The following EXOC6B variants were observed in gnomAD, a reference collection of about 807,000 sequenced individuals.
EXOC6B encodes the protein exocyst complex component 6B.
EXOC6B carries 54 observed loss-of-function variants against 113.5 expected under a neutral mutation model. That is an observed-to-expected ratio of 0.48 (90% CI 0.38 to 0.60). The LOEUF (loss-of-function observed/expected upper bound fraction) is 0.60, where lower values mean the gene tolerates loss of function less well. Ranked by LOEUF, EXOC6B falls within the 20% of genes least tolerant of loss-of-function variation. EXOC6B has a pLI of 0.00. For synonymous variants in EXOC6B, 357 were observed against 339.0 expected (o/e 1.05, Z -0.58); for missense variants, 797 against 977.5 (o/e 0.82, Z 2.46).
chr2:72,573,414 T>C (rs756747070), intron 7 of EXOC6B, among the ~76,000 whole-genome samples: 5 of 152,206 alleles, frequency 3.3e-5, no homozygotes, highest in Non-Finnish European at 7.3e-5. Context: ...TGTGATGGAA[T>C]CTAATATCTG....
chr2:72,342,547 G>C (rs1689093132), intron 19 of EXOC6B, among the ~76,000 whole-genome samples: 1 of 152,082 alleles, frequency 6.6e-6, no homozygotes, highest in Non-Finnish European at 1.5e-5. Flanking sequence ...ATGAACGTTG[G>C]TGAGGGTGTG....
chr2:72,580,522 A>AT, intron 6 of EXOC6B, among the ~76,000 whole-genome samples: 1 of 152,148 alleles, frequency 6.6e-6, no homozygotes, highest in South Asian at 2.1e-4. Flanking sequence ...ATGACATCTA[A>AT]TATCACTGTA....
rs183888887 is a variant in EXOC6B at position 72,361,333 on chromosome 2, A to G, written c.2122+18396T>C. ...AGTTACTTTCACAGTTTGCTGATGT[A>G]AAGGTCCCTTTGCATAATATAAACT... On this transcript the variant is annotated intron_variant, in intron 19 of 21. Coordinates refer to ENST00000272427, the MANE Select transcript of EXOC6B (RefSeq NM_015189.3). Among the ~76,000 whole-genome samples the G allele has an allele frequency of 1.9e-3, 284 of 152,272 alleles. 7 individuals carry two copies. The highest frequency in any genetic ancestry group is 6.4e-3 in the East Asian group (33 of 5,178).
At chr2:72,401,533 ATATATATATATGTG>A (rs1693201499) in intron 18 of EXOC6B, among the ~76,000 whole-genome samples, 8 of 32,766 alleles carry the variant, frequency 2.4e-4, no homozygotes, top group African/African-American at 2.3e-3. Flanking sequence ...ACATATATAT[ATATATATATATGTG>A]TATATATATA....
rs981572010 is a variant in EXOC6B, at chr2:72,247,176, T to A, written c.2197-62989A>T. Among the ~76,000 whole-genome samples, 3 of 152,242 alleles carry A rather than the reference T, an allele frequency of 2.0e-5. No individual in the cohort carries two copies. In the South Asian group the frequency reaches 6.2e-4, roughly 32 times the overall value. ...AAATAATCTTTCTGATAAATGTTTT[T>A]AATTTATTTAGTGAACAGAGATGCT... On this transcript the variant is annotated intron_variant, in intron 20 of 21. Transcript: ENST00000272427.
intron 20 of EXOC6B, among the ~76,000 whole-genome samples, chr2:72,215,830 G>T (rs1470378594): frequency 6.6e-6 from 1 of 152,020 alleles, no homozygotes; most frequent in East Asian, 1.9e-4. Context: ...ATGTATAGTA[G>T]TCACTGCAGG....
chr2:72,710,050 T>C (rs1328595975), intron 6 of EXOC6B, among the ~76,000 whole-genome samples: 3 of 152,110 alleles, frequency 2.0e-5, no homozygotes, highest in African/African-American at 7.2e-5. Flanking sequence ...GAACAATTGG[T>C]ACCACCACCG....
At chr2:72,567,837 G>A (rs1704277431) in intron 7 of EXOC6B, among the ~76,000 whole-genome samples, 1 of 151,916 alleles carries the variant, frequency 6.6e-6, no homozygotes, top group Non-Finnish European at 1.5e-5. Context: ...AAAAATAAGG[G>A]GAGAAAAGGA....
At chr2:72,388,667 T>C (rs552432612) in intron 18 of EXOC6B, among the ~76,000 whole-genome samples, 6 of 152,318 alleles carry the variant, frequency 3.9e-5, no homozygotes, top group Non-Finnish European at 5.9e-5. Flanking sequence ...AATTAGCAGC[T>C]GCAATTATGA....
intron 6 of EXOC6B, among the ~76,000 whole-genome samples, chr2:72,575,961 AG>A (rs1704825721): frequency 6.6e-6 from 1 of 152,126 alleles, no homozygotes; most frequent in Non-Finnish European, 1.5e-5. Context: ...TATCATCATA[AG>A]GCTTTTCAAA....
At chr2:72,293,710 G>A (rs1038162365) in intron 20 of EXOC6B, among the ~76,000 whole-genome samples, 2 of 152,140 alleles carry the variant, frequency 1.3e-5, no homozygotes, top group Admixed American at 1.3e-4. Flanking sequence ...CTTGTAATAA[G>A]TAATACAGTC....
chr2:72,375,165 A>G (rs1691282615), intron 19 of EXOC6B, among the ~76,000 whole-genome samples: 1 of 152,154 alleles, frequency 6.6e-6, no homozygotes, highest in South Asian at 2.1e-4. Flanking sequence ...GAGCTTCAAA[A>G]TGCATTAACC....
chr2:72,631,718 T>C (rs1672482990), intron 6 of EXOC6B, among the ~76,000 whole-genome samples: 1 of 151,866 alleles, frequency 6.6e-6, no homozygotes, highest in Non-Finnish European at 1.5e-5. Flanking sequence ...TTGTCCAGGC[T>C]TTCTCGAACT....
chr2:72,515,308 A>G (rs541708976), intron 8 of EXOC6B, 182 bp from the exon 9 acceptor site: 2 of 861,310 alleles, frequency 2.3e-6, no homozygotes, highest in African/African-American at 3.4e-5. Flanking sequence ...ATTGAACCTT[A>G]GTTACAAACC....
At chr2:72,696,821 A>C (rs1407461040) in intron 6 of EXOC6B, among the ~76,000 whole-genome samples, 1 of 152,170 alleles carries the variant, frequency 6.6e-6, no homozygotes, top group East Asian at 1.9e-4. Context: ...TATCATAAAA[A>C]AATGATAAGT....
intron 20 of EXOC6B, among the ~76,000 whole-genome samples, chr2:72,189,258 C>T (rs41406): frequency 0.47 from 71,465 of 151,926 alleles, 21,776 homozygotes; most frequent in African/African-American, 0.87. Context: ...GATATTGATA[C>T]TTTTGAAGAA....
At chr2:72,640,240 C>A (rs932999806) in intron 6 of EXOC6B, among the ~76,000 whole-genome samples, 1 of 151,978 alleles carries the variant, frequency 6.6e-6, no homozygotes, top group Non-Finnish European at 1.5e-5. Flanking sequence ...TTATTAATAT[C>A]AAAATGAACT....
chr2:72,571,538 TA>T (rs1704511609), intron 7 of EXOC6B, among the ~76,000 whole-genome samples: 2 of 152,240 alleles, frequency 1.3e-5, no homozygotes, highest in East Asian at 3.9e-4. Flanking sequence ...TAGCCAATAA[TA>T]AAATAAAAAT....
At chr2:72,477,199 C>T (rs894943268) in intron 17 of EXOC6B, among the ~76,000 whole-genome samples, 3 of 152,138 alleles carry the variant, frequency 2.0e-5, no homozygotes, top group South Asian at 2.1e-4. Context: ...AATTTAATAC[C>T]TCTATATAGC....
Sources: allele counts gnomAD v4.1 joint callset (sites outside exome capture counted in the v4.1 genomes callset), GRCh38; gene constraint gnomAD v4.1.1; transcripts MANE v1.5; gene names NCBI Gene and HGNC (gene_info 2026-07-23, HGNC 2026-07-21).